ATP2B3: variants seen among roughly 807,000 people sequenced by gnomAD.
ATP2B3 encodes the protein ATPase plasma membrane Ca2+ transporting 3.
ATP2B3 carries 12 observed loss-of-function variants against 70.8 expected under a neutral mutation model. That is an observed-to-expected ratio of 0.17 (90% CI 0.11 to 0.27). ATP2B3 has a LOEUF of 0.27. ATP2B3 is among the 10% of genes least tolerant of loss of function. The pLI is 1.00. For missense variants in ATP2B3, 858 were observed against 1,118.5 expected, an observed-to-expected ratio of 0.77 and a Z score of 3.32; for synonymous variants, 460 against 497.8, an observed-to-expected ratio of 0.92 and a Z score of 1.01.
At position 153,579,918 on chromosome X, in the gene ATP2B3, C is replaced by T. The variant is rs1319335401; in HGVS notation, c.3343-60C>T. Reference sequence around the variant, plus strand: ...TTCCTTCCACGTTTCCTTTCCTTTCCCTTCCTTTCCTCCCTCCCTGCTCCC... The same window carrying T: ...TTCCTTCCACGTTTCCTTTCCTTTCTCTTCCTTTCCTCCCTCCCTGCTCCC... On this transcript the variant is annotated intron_variant, in intron 21 of 21. Coordinates refer to ENST00000263519, the MANE Select transcript of ATP2B3 (RefSeq NM_001001344.3). 3.8e-6 allele frequency: 4 copies of T among 1,042,731 alleles called. No individual in the cohort carries two copies. In the African/African-American group the frequency reaches 7.6e-5, roughly 20 times the overall value. 85.9% of individuals were successfully genotyped at this position (1,042,731 alleles called of 1,213,427 possible).
chrX:153,519,774 A>G (rs1173114877), intron 2 of ATP2B3, among the ~76,000 whole-genome samples: 10 of 111,384 alleles, frequency 9.0e-5, no homozygotes, highest in African/African-American at 3.2e-4. Flanking sequence ...GTTTGAGTGC[A>G]GGAGTAGGCA....
At chrX:153,546,647 A>G (rs1197511538) in intron 8 of ATP2B3, among the ~76,000 whole-genome samples, 1 of 113,518 alleles carries the variant, frequency 8.8e-6, no homozygotes. Flanking sequence ...TGTGAGACGC[A>G]GGAAGCAGGA....
In ATP2B3 at chrX:153,548,775, T is replaced by C; in HGVS notation, c.1259T>C (p.Ile420Thr). The C allele has an allele frequency of 3.3e-6, 4 of 1,211,861 alleles. No individual in the cohort carries two copies. Among genetic ancestry groups the C allele is most frequent in the Non-Finnish European group, 4.5e-6 (4 of 895,526 alleles). ...CAATACTTCGTGAAGTTCTTCATCA[T>C]TGGTGTCACTGTGCTGGTCGTGGCT... ...YVQYFVKFFI[I>T]GVTVLVVAVP... The change falls in exon 10 of 22, where the codon ATT (isoleucine) becomes ACT (threonine). Residue 420 changes from isoleucine (I) to threonine (T), a missense_variant. This residue lies in a region of ATP2B3 where 278 missense variants were observed against 366.2 expected (regional missense o/e 0.76). Transcript: ENST00000263519.
At chrX:153,570,175 T>C (rs2090767598) in intron 21 of ATP2B3, among the ~76,000 whole-genome samples, 1 of 112,456 alleles carries the variant, frequency 8.9e-6, no homozygotes, top group Non-Finnish European at 1.9e-5. Context: ...AGGGCCGCCT[T>C]CCCGGGGCTG....
Position 153,557,018 on chromosome X carries a change from G to A in ATP2B3, c.2428G>A (p.Ala810Thr), listed in dbSNP as rs782757603. The stretch of plus-strand genomic sequence containing the variant: ...CCTCAAGAAGGCGGACGTGGGCTTC[G>A]CCATGGTAAGCCACCTGGTGCCCGC... ...PALKKADVGFAMGIAGTDVAK... is the reference protein window; with the variant it reads ...PALKKADVGFTMGIAGTDVAK... Residue 810 changes from alanine to threonine, a missense_variant, in exon 16 of 22, where the codon GCC becomes ACC. Around this residue, in one of 5 missense-constraint regions of ATP2B3, gnomAD observed 50 missense variants for 106.7 expected, o/e 0.47. Coordinates refer to ENST00000263519, the MANE Select transcript of ATP2B3 (RefSeq NM_001001344.3). 2.6e-5 allele frequency: 31 copies of A among 1,175,850 alleles called. No individual in the cohort carries two copies. The highest frequency in any genetic ancestry group is 3.0e-5 in the Non-Finnish European group (26 of 876,749).
chrX:153,529,844 A>G (rs1029475647), intron 2 of ATP2B3, among the ~76,000 whole-genome samples: 9 of 111,280 alleles, frequency 8.1e-5, no homozygotes, highest in Non-Finnish European at 1.5e-4. Context: ...GGCTCCTTCT[A>G]CTGAGTCCAA....
chrX:153,571,222 A>G (rs1298203982), intron 21 of ATP2B3, among the ~76,000 whole-genome samples: 1 of 112,476 alleles, frequency 8.9e-6, no homozygotes, highest in Non-Finnish European at 1.9e-5. Flanking sequence ...AGAGAGGCGG[A>G]CAGGAGGCTC....
At chrX:153,546,587 C>T (rs1339623182) in intron 8 of ATP2B3, among the ~76,000 whole-genome samples, 3 of 113,417 alleles carry the variant, frequency 2.6e-5, no homozygotes, top group East Asian at 2.8e-4. Flanking sequence ...CTCCTCTCAG[C>T]CCCGGACAGC....
At chrX:153,566,166 C>T (rs1412268348) in intron 21 of ATP2B3, among the ~76,000 whole-genome samples, 6 of 112,819 alleles carry the variant, frequency 5.3e-5, no homozygotes, top group Non-Finnish European at 1.1e-4. Context: ...TCACACTCCA[C>T]CTCCTTCTGC....
At chrX:153,533,839 G>A (rs899885934) in intron 2 of ATP2B3, among the ~76,000 whole-genome samples, 2 of 111,782 alleles carry the variant, frequency 1.8e-5, no homozygotes, top group South Asian at 3.8e-4. Context: ...CTGGGCCACC[G>A]CTGTGGGGTC....
At chrX:153,567,480 G>A (rs1039411782) in intron 21 of ATP2B3, among the ~76,000 whole-genome samples, 2 of 112,765 alleles carry the variant, frequency 1.8e-5, no homozygotes, top group Admixed American at 1.9e-4. Flanking sequence ...CTTGCCCCTC[G>A]GCGGCCCACT....
Position 153,548,545 on chromosome X carries a change from C to T in ATP2B3, c.1124-95C>T, listed in dbSNP as rs182232992. 8.5e-6 allele frequency: 7 copies of T among 821,548 alleles called. No individual in the cohort carries two copies. In the Admixed American group the frequency reaches 1.9e-4, roughly 22 times the overall value. The allele number at this position is 821,548 out of a possible 1,213,427, so 67.7% of individuals were successfully genotyped here. Reference sequence around the variant, plus strand: ...ATCTACAAGGCCTTCACAAATGCCTCCGAGACCGTGTCCATACCTCTTCTT... The same window carrying T: ...ATCTACAAGGCCTTCACAAATGCCTTCGAGACCGTGTCCATACCTCTTCTT... On this transcript the variant is annotated intron_variant, in intron 9 of 21. Coordinates refer to ENST00000263519, the MANE Select transcript of ATP2B3 (RefSeq NM_001001344.3).
In ATP2B3 at chrX:153,546,142, G is replaced by A. The variant is rs782760257; in HGVS notation, c.958+13G>A. On this transcript the variant is annotated intron_variant, in intron 8 of 21. Coordinates refer to ENST00000263519, the MANE Select transcript of ATP2B3 (RefSeq NM_001001344.3). The stretch of plus-strand genomic sequence containing the variant: ...AGCCAGACCAAAGGTAACGGGCGCC[G>A]CTGCTTGGGCACAACAAGCTTGGAG... 7 of 1,210,736 alleles carry A rather than the reference G, an allele frequency of 5.8e-6. No homozygotes were observed. The highest frequency in any genetic ancestry group is 5.9e-5 in the East Asian group (2 of 33,813).
Position 153,558,277 on chromosome X carries a change from G to A in ATP2B3, c.2599G>A (p.Ala867Thr), listed in dbSNP as rs1557014803. The A allele has an allele frequency of 8.3e-7, 1 of 1,211,200 alleles. No individual in the cohort carries two copies. The highest frequency in any genetic ancestry group is 2.2e-5 in the Admixed American group (1 of 46,055). Residue 867 changes from alanine (A) to threonine (T), a missense_variant, in exon 17 of 22, where the codon GCC becomes ACC. Ala to Thr is a moderately conservative substitution (Grantham distance 58). This residue lies in a region of ATP2B3 where 50 missense variants were observed against 106.7 expected (regional missense o/e 0.47). Coordinates refer to ENST00000263519, the MANE Select transcript of ATP2B3 (RefSeq NM_001001344.3). ...GGTCAATGTGGTGGCTGTGATCGTGGCCTTCACAGGTGCCTGCATTACTCA... is the reference window on the plus strand; with the variant it reads ...GGTCAATGTGGTGGCTGTGATCGTGACCTTCACAGGTGCCTGCATTACTCA... ...LTVNVVAVIV[A>T]FTGACITQDS...
At chrX:153,575,156 G>A (rs1243318538) in intron 21 of ATP2B3, among the ~76,000 whole-genome samples, 1 of 112,720 alleles carries the variant, frequency 8.9e-6, no homozygotes, top group African/African-American at 3.2e-5. Context: ...CAGCCGGCTG[G>A]GCATTGCAAA....
chrX:153,542,583 A>G, intron 6 of ATP2B3, 135 bp downstream of exon 6: 1 of 919,536 alleles, frequency 1.1e-6, no homozygotes, highest in Non-Finnish European at 1.5e-6. Context: ...TCAGGTTGGG[A>G]ATCTGAAGAC....
intron 16 of ATP2B3, among the ~76,000 whole-genome samples, chrX:153,557,278 TG>T (rs1313145585): frequency 9.0e-6 from 1 of 110,518 alleles, no homozygotes; most frequent in Non-Finnish European, 1.9e-5. Flanking sequence ...GGAAGGGGAA[TG>T]GGGGGTGGGG....
At chrX:153,571,044 T>A (rs1157347076) in intron 21 of ATP2B3, among the ~76,000 whole-genome samples, 1 of 80,439 alleles carries the variant, frequency 1.2e-5, no homozygotes, top group East Asian at 3.3e-4. Context: ...ACACACTCCT[T>A]CTCCAAACCA....
chrX:153,542,898 G>C, intron 6 of ATP2B3, 145 bp from the exon 7 acceptor site: 1 of 835,752 alleles, frequency 1.2e-6, no homozygotes, highest in Non-Finnish European at 1.7e-6. Flanking sequence ...TCTCCTCCAA[G>C]CCAGGGAGGA....
Sources: gnomAD v4.1 joint callset for allele counts (sites outside exome capture counted in the v4.1 genomes callset) on GRCh38, gnomAD v4.1.1 for gene constraint, gnomAD v4.1.1 regional missense constraint, MANE v1.5 for transcripts, NCBI Gene and HGNC (gene_info 2026-07-23, HGNC 2026-07-21) for gene names.